Variants in NLGN1 observed in about 807,000 individuals in gnomAD.
The protein encoded by NLGN1 is neuroligin 1.
In NLGN1, 12 loss-of-function variants were observed where a neutral mutation model predicts 65.5. The ratio of observed to expected loss-of-function variants is 0.18; its 90% CI spans 0.12 to 0.30. The LOEUF (loss-of-function observed/expected upper bound fraction) is 0.30. NLGN1 is among the 10% of genes least tolerant of loss of function. NLGN1 has a pLI of 1.00. For missense variants in NLGN1, 750 were observed against 1,007.1 expected, an observed-to-expected ratio of 0.74 and a Z score of 3.46; for synonymous variants, 350 against 359.5, an observed-to-expected ratio of 0.97 and a Z score of 0.30.
intron 4 of NLGN1, among the ~76,000 whole-genome samples, chr3:173,816,415 G>C (rs1309540325): frequency 6.6e-6 from 1 of 152,178 alleles, no homozygotes; most frequent in Non-Finnish European, 1.5e-5. Flanking sequence ...GGTGGAACCA[G>C]GATTCTAACC....
chr3:173,785,742 T>A (rs1034023430), intron 3 of NLGN1, among the ~76,000 whole-genome samples: 13 of 152,150 alleles, frequency 8.5e-5, no homozygotes, highest in African/African-American at 2.9e-4. Context: ...CTCTCATCTA[T>A]TTACAGTATT....
chr3:173,994,314 G>A (rs1721796630), intron 4 of NLGN1, among the ~76,000 whole-genome samples: 1 of 151,722 alleles, frequency 6.6e-6, no homozygotes, highest in African/African-American at 2.4e-5. Flanking sequence ...GCCCAGACTG[G>A]TCTCAAACTC....
intron 2 of NLGN1, among the ~76,000 whole-genome samples, chr3:173,484,487 G>A (rs892845289): frequency 1.3e-5 from 2 of 152,100 alleles, no homozygotes; most frequent in African/African-American, 4.8e-5. Context: ...TAAAGGGCCC[G>A]CAAGCAAAGC....
chr3:174,089,262 A>G (rs1744048274), intron 4 of NLGN1, among the ~76,000 whole-genome samples: 1 of 152,196 alleles, frequency 6.6e-6, no homozygotes, highest in Non-Finnish European at 1.5e-5. Flanking sequence ...AAATAAACAT[A>G]TAACCTGTCT....
chr3:173,700,409 G>GT (rs1291003638), intron 3 of NLGN1, among the ~76,000 whole-genome samples: 6 of 152,142 alleles, frequency 3.9e-5, no homozygotes, highest in African/African-American at 1.4e-4. Flanking sequence ...ATGTATTCAG[G>GT]TCTCTGTATT....
At chr3:173,990,862 T>C (rs1225549638) in intron 4 of NLGN1, among the ~76,000 whole-genome samples, 1 of 152,166 alleles carries the variant, frequency 6.6e-6, no homozygotes, top group African/African-American at 2.4e-5. Context: ...AAGATTGTGT[T>C]TCATTTTCTT....
intron 2 of NLGN1, among the ~76,000 whole-genome samples, chr3:173,503,923 T>A (rs1731574639): frequency 6.6e-6 from 1 of 152,062 alleles, no homozygotes; most frequent in African/African-American, 2.4e-5. Flanking sequence ...TTATCTTCAA[T>A]TTAAAGCACT....
chr3:173,726,835 A>G (rs889387431), intron 3 of NLGN1, among the ~76,000 whole-genome samples: 3 of 152,060 alleles, frequency 2.0e-5, no homozygotes, highest in African/African-American at 7.2e-5. Context: ...AAAATGCAAC[A>G]AAAGTTTAAA....
intron 3 of NLGN1, among the ~76,000 whole-genome samples, chr3:173,669,760 A>T (rs755666024): frequency 4.6e-4 from 70 of 152,248 alleles, no homozygotes; most frequent in Middle Eastern, 3.4e-3. Flanking sequence ...TATTTTTGTT[A>T]TAATACAAGT....
intron 4 of NLGN1, among the ~76,000 whole-genome samples, chr3:173,973,158 A>AACAAAAG (rs1716656438): frequency 6.6e-6 from 1 of 152,168 alleles, no homozygotes; most frequent in Non-Finnish European, 1.5e-5. Context: ...AAGTCTTTAG[A>AACAAAAG]ACAATCTCTA....
rs1164351922 is a variant in NLGN1, at chr3:173,805,076, A to G, written c.494-2604A>G. 7.2e-5 allele frequency among the ~76,000 whole-genome samples: 11 copies of G among 152,282 alleles called. No individual in the cohort carries two copies. In the East Asian group the frequency reaches 1.3e-3, roughly 19 times the overall value. On this transcript the variant is annotated intron_variant, in intron 3 of 6. Transcript: ENST00000457714. ...AAGCCTAAGGTGGACCACTCTGACA[A>G]TGCACTATTAAAGGCTTCCATTTTT... is the stretch of plus-strand genomic sequence containing the variant.
chr3:173,751,304 T>C (rs1308512829), intron 3 of NLGN1, among the ~76,000 whole-genome samples: 2 of 152,098 alleles, frequency 1.3e-5, no homozygotes. Flanking sequence ...TTCCTTGCCA[T>C]GGAGGATCAT....
chr3:174,197,625 T>C (rs1733710927), intron 4 of NLGN1, among the ~76,000 whole-genome samples: 1 of 151,772 alleles, frequency 6.6e-6, no homozygotes, highest in Non-Finnish European at 1.5e-5. Flanking sequence ...TGCCAGTCTA[T>C]GTTCAATGAG....
At chr3:173,734,483 A>G (rs1331756009) in intron 3 of NLGN1, among the ~76,000 whole-genome samples, 1 of 144,978 alleles carries the variant, frequency 6.9e-6, no homozygotes, top group African/African-American at 2.6e-5. Context: ...TGTAGCCTCA[A>G]ACCCCTGGGC....
At chr3:174,153,166 G>A (rs987062679) in intron 4 of NLGN1, among the ~76,000 whole-genome samples, 1 of 152,006 alleles carries the variant, frequency 6.6e-6, no homozygotes, top group East Asian at 1.9e-4. Flanking sequence ...TCTTGAAGAG[G>A]CTTAGCTATA....
At position 174,279,370 on chromosome 3, in the gene NLGN1, C is replaced by G. The variant is rs1751177135; in HGVS notation, c.1369C>G (p.Leu457Val). The change falls in exon 6 of 7, where the codon CTG becomes GTG. Residue 457 changes from leucine to valine, a missense_variant. By Grantham distance (32) the Leu-to-Val change is conservative. Coordinates refer to ENST00000457714, the Ensembl canonical transcript of NLGN1. This position sits in a 1 kb window ranked among gnomAD's most constrained non-coding sequence, Gnocchi z 4.7. ...CCCTGAAACCAGAAGAAAGACATTA[C>G]TGGCTTTGTTTACGGACCATCAGTG... 1 of 1,613,364 alleles carries G rather than the reference C, an allele frequency of 6.2e-7. No individual in the cohort carries two copies. Among genetic ancestry groups the G allele is most frequent in the Non-Finnish European group, 8.5e-7 (1 of 1,179,574 alleles).
intron 4 of NLGN1, among the ~76,000 whole-genome samples, chr3:174,066,155 C>A (rs766888331): frequency 4.6e-5 from 7 of 152,166 alleles, no homozygotes; most frequent in Non-Finnish European, 8.8e-5. Context: ...TTGATGCCAA[C>A]TTTCCCACAA....
intron 4 of NLGN1, among the ~76,000 whole-genome samples, chr3:174,073,064 C>T (rs1045969617): frequency 2.0e-5 from 3 of 151,892 alleles, no homozygotes; most frequent in African/African-American, 7.3e-5. Context: ...CTAAATAACT[C>T]CTTAGGCTAT....
intron 3 of NLGN1, among the ~76,000 whole-genome samples, chr3:173,792,143 T>G (rs1185026538): frequency 6.6e-6 from 1 of 151,990 alleles, no homozygotes; most frequent in Non-Finnish European, 1.5e-5. Flanking sequence ...TCATTGAGAA[T>G]CAAAGATGTT....
Sources: gnomAD v4.1 joint callset for allele counts (sites outside exome capture counted in the v4.1 genomes callset) on GRCh38, gnomAD v4.1.1 for gene constraint, Gnocchi (gnomAD v3.1) non-coding constraint, MANE v1.5 for transcripts, NCBI Gene and HGNC (gene_info 2026-07-23, HGNC 2026-07-21) for gene names.